Variants in POLR3E observed in about 807,000 individuals in gnomAD.
POLR3E encodes RNA polymerase III subunit E.
A neutral mutation model predicts 96.6 loss-of-function variants in POLR3E; 41 were observed. The ratio of observed to expected loss-of-function variants is 0.42; its 90% CI spans 0.33 to 0.55. POLR3E has a LOEUF of 0.55. Ranked by LOEUF, POLR3E falls within the 20% of genes least tolerant of loss-of-function variation. The pLI is 0.06. For synonymous variants in POLR3E, 396 were observed against 383.6 expected, an observed-to-expected ratio of 1.03 and a Z score of -0.38; for missense variants, 849 against 952.1, an observed-to-expected ratio of 0.89 and a Z score of 1.43.
At position 22,313,545 on chromosome 16, in the gene POLR3E, C is replaced by T. The variant is rs958212953; in HGVS notation, c.365-75C>T. 7 of 915,060 alleles carry T rather than the reference C, an allele frequency of 7.6e-6. No homozygotes were observed. Among genetic ancestry groups the T allele is most frequent in the South Asian group, 7.0e-5 (5 of 71,220 alleles). The allele number at this position is 915,060 out of a possible 1,614,324, so 56.7% of individuals were successfully genotyped here. Reference sequence around the variant, plus strand: ...GTTTGATGGTGGGCCTAGGCCTTCACGGGACTTGGTGACTCTCTTGAGCCA... The same window carrying T: ...GTTTGATGGTGGGCCTAGGCCTTCATGGGACTTGGTGACTCTCTTGAGCCA... On this transcript the variant is annotated intron_variant, in intron 6 of 20. Coordinates refer to ENST00000299853, the MANE Select transcript of POLR3E (RefSeq NM_018119.4). The surrounding 1 kb of genome is among the most constrained non-coding windows in gnomAD (Gnocchi z 4.1).
At chr16:22,330,895 T>C (rs1347987989) in intron 19 of POLR3E, among the ~76,000 whole-genome samples, 1 of 151,130 alleles carries the variant, frequency 6.6e-6, no homozygotes, top group Non-Finnish European at 1.5e-5. Context: ...TATGGAACAA[T>C]GTGTGAGGTT....
At chr16:22,316,950 A>C (rs2048368047) in intron 10 of POLR3E, 45 bp from the exon 11 acceptor site, 1 of 1,606,640 alleles carries the variant, frequency 6.2e-7, no homozygotes, top group East Asian at 2.2e-5. Context: ...AGGAGGGTCC[A>C]GCCTGGATCA....
chr16:22,303,031 G>A (rs372095706), intron 2 of POLR3E, 27 bp downstream of exon 2: 80 of 1,608,832 alleles, frequency 5.0e-5, no homozygotes, highest in Non-Finnish European at 6.4e-5. Flanking sequence ...GTCCCCTGCC[G>A]CCGGGGCTAC....
chr16:22,316,759 C>G (rs1346483263), intron 10 of POLR3E, 73 bp downstream of exon 10: 3 of 1,259,672 alleles, frequency 2.4e-6, no homozygotes, highest in Non-Finnish European at 3.5e-6. Flanking sequence ...TGTGGATCCT[C>G]CCAGAGGACT....
intron 14 of POLR3E, among the ~76,000 whole-genome samples, chr16:22,323,854 T>C (rs1043942653): frequency 2.0e-5 from 3 of 152,170 alleles, no homozygotes; most frequent in African/African-American, 7.2e-5. Context: ...CCTGTGTCTC[T>C]CAGCCAGCCA....
At chr16:22,308,350 C>T in intron 4 of POLR3E, 125 bp downstream of exon 4, 1 of 759,412 alleles carries the variant, frequency 1.3e-6, no homozygotes, top group South Asian at 1.5e-5. Context: ...CTCCCAGGCC[C>T]TTGAAAGCTG....
At chr16:22,301,320 G>A (rs1302757657) in intron 1 of POLR3E, among the ~76,000 whole-genome samples, 1 of 152,186 alleles carries the variant, frequency 6.6e-6, no homozygotes, top group Non-Finnish European at 1.5e-5. Context: ...GGTGGCTCAT[G>A]CCTGTAATCC....
At chr16:22,299,053 A>G (rs769905596) in intron 1 of POLR3E, 19 of 455,998 alleles carry the variant, frequency 4.2e-5, no homozygotes, top group Non-Finnish European at 6.2e-5. Context: ...CCAGATTAAG[A>G]TGAGACCCAC....
At chr16:22,308,531 A>G (rs1035988584) in intron 4 of POLR3E, 5 of 476,390 alleles carry the variant, frequency 1.0e-5, no homozygotes, top group African/African-American at 3.9e-5. Flanking sequence ...TCTAGCGCCT[A>G]TCCATGGAGG....
In POLR3E at chr16:22,302,722, G is replaced by A. The variant is rs11648734; in HGVS notation, c.-38-209G>A. The A allele has an allele frequency of 5.9e-3, 3,284 of 553,952 alleles. 15 individuals carry two copies. The highest frequency in any genetic ancestry group is 8.5e-3 in the Non-Finnish European group (2,629 of 309,986). 34.3% of individuals were successfully genotyped at this position (553,952 alleles called of 1,614,324 possible). ...TGGCTTGGTCTACCCGCTTGCACCC[G>A]CTGCTTGAGTGTTTCTTTTTTTCTT... On this transcript the variant is annotated intron_variant, in intron 1 of 20. Coordinates refer to ENST00000299853, the MANE Select transcript of POLR3E (RefSeq NM_018119.4).
Position 22,332,079 on chromosome 16 carries a change from A to T in POLR3E, c.1964A>T (p.Glu655Val). Residue 655 changes from glutamate (E) to valine (V), a missense_variant, in exon 20 of 21, where the codon GAA becomes GTA. Transcript: ENST00000299853. ...MSDQHRQVLL[E>V]IFSKNYRVRR... The stretch of plus-strand genomic sequence containing the variant: ...CTAAAGCATCGACAGGTTTTGCTTG[A>T]AATTTTTTCCAAAAATTACCGGGTA... 6.2e-7 allele frequency: 1 copy of T among 1,613,816 alleles called. No individual in the cohort carries two copies. Among genetic ancestry groups the T allele is most frequent in the East Asian group, 2.2e-5 (1 of 44,852 alleles).
chr16:22,304,451 G>A (rs1164990927), intron 2 of POLR3E, among the ~76,000 whole-genome samples: 1 of 152,204 alleles, frequency 6.6e-6, no homozygotes, highest in African/African-American at 2.4e-5. Flanking sequence ...CGAGGACAGA[G>A]GCAGTGCCCT....
chr16:22,300,740 T>TA (rs1352452941), intron 1 of POLR3E, among the ~76,000 whole-genome samples: 1 of 152,214 alleles, frequency 6.6e-6, no homozygotes, highest in Non-Finnish European at 1.5e-5. Flanking sequence ...CTGGGACTGT[T>TA]ACGATAGCTG....
At chr16:22,314,162 C>G (rs1359412083) in intron 8 of POLR3E, 34 bp downstream of exon 8, 1 of 1,593,636 alleles carries the variant, frequency 6.3e-7, no homozygotes, top group Non-Finnish European at 8.6e-7. Flanking sequence ...GAGGGTGCTG[C>G]CTGGGCGGCA....
chr16:22,316,564 G>A, intron 9 of POLR3E, 37 bp from the exon 10 acceptor site: 1 of 1,552,980 alleles, frequency 6.4e-7, no homozygotes, highest in Non-Finnish European at 8.9e-7. Flanking sequence ...AGGGCCATCA[G>A]CTGAGGCTCC....
intron 19 of POLR3E, 66 bp downstream of exon 19, chr16:22,328,653 T>C (rs974784519): frequency 8.3e-6 from 11 of 1,318,370 alleles, no homozygotes; most frequent in Non-Finnish European, 3.3e-6. Flanking sequence ...TTGGAGGCCT[T>C]GGGGGACATG....
intron 1 of POLR3E, chr16:22,302,712 G>A (rs994617012): frequency 3.7e-5 from 20 of 542,964 alleles, no homozygotes; most frequent in African/African-American, 1.9e-4. Flanking sequence ...TGGTCTACCC[G>A]CTTGCACCCG....
rs1429693813 is a variant in POLR3E at position 22,298,906 on chromosome 16, C to G, written c.-39+1369C>G. 12 of 452,984 alleles carry G rather than the reference C, an allele frequency of 2.6e-5. No individual in the cohort carries two copies. The Middle Eastern group carries it at 3.3e-3, about 124-fold the overall frequency. The allele number at this position is 452,984 out of a possible 1,614,324, so 28.1% of individuals were successfully genotyped here. On this transcript the variant is annotated intron_variant, in intron 1 of 20. Coordinates refer to ENST00000299853, the MANE Select transcript of POLR3E (RefSeq NM_018119.4). Reference sequence around the variant, plus strand: ...GATTTTTTTTTTAAAGTAATGCTCCCCATAACAGCTTTGATGAAGTAAAGT... The same window carrying G: ...GATTTTTTTTTTAAAGTAATGCTCCGCATAACAGCTTTGATGAAGTAAAGT...
intron 1 of POLR3E, 81 bp from the exon 2 acceptor site, chr16:22,302,850 G>T: frequency 1.1e-6 from 1 of 949,618 alleles, no homozygotes; most frequent in Non-Finnish European, 1.7e-6. Context: ...CCCCCTCCCA[G>T]TGCAGGGCCT....
Sources: allele counts gnomAD v4.1 joint callset (sites outside exome capture counted in the v4.1 genomes callset), GRCh38; gene constraint gnomAD v4.1.1; non-coding constraint Gnocchi (gnomAD v3.1); transcripts MANE v1.5; gene names NCBI Gene and HGNC (gene_info 2026-07-23, HGNC 2026-07-21).